The following ZDHHC13 variants were observed in gnomAD, a reference collection of about 807,000 sequenced individuals.
ZDHHC13 encodes the protein palmitoyltransferase ZDHHC13.
Under a neutral mutation model 86.0 loss-of-function variants are expected in ZDHHC13, and 85 were observed. That is an observed-to-expected ratio of 0.99 (90% CI 0.83 to 1.18). The LOEUF (loss-of-function observed/expected upper bound fraction) is 1.18. Among genes scored for constraint, ZDHHC13 ranks in the 50% most tolerant of loss-of-function variants. ZDHHC13 has a pLI of 0.00. For synonymous variants in ZDHHC13, 263 were observed against 246.4 expected, an observed-to-expected ratio of 1.07 and a Z score of -0.63; for missense variants, 711 against 730.2, an observed-to-expected ratio of 0.97 and a Z score of 0.30.
intron 14 of ZDHHC13, chr11:19,168,757 C>G: frequency 5.2e-6 from 5 of 968,356 alleles, no homozygotes; most frequent in South Asian, 4.8e-5. Context: ...CTGCTCTATA[C>G]TCTCCTTCTC....
At chr11:19,118,717 C>A (rs918596563) in intron 1 of ZDHHC13, 1 of 152,202 alleles carries the variant, frequency 6.6e-6, no homozygotes, top group Admixed American at 6.5e-5. Flanking sequence ...CTCTTGTTCA[C>A]TTTTTCAGTA....
intron 11 of ZDHHC13, 21 bp downstream of exon 11, chr11:19,163,448 A>C: frequency 1.3e-6 from 2 of 1,564,852 alleles, no homozygotes; most frequent in South Asian, 1.2e-5. Flanking sequence ...TTCGTTACTG[A>C]TATTTTTAAT....
chr11:19,170,375 C>CTTTTT lies in ZDHHC13; in HGVS notation c.1475-18_1475-14dup, dbSNP rs55637113. On this transcript the variant is annotated intron_variant, in intron 14 of 16. Coordinates refer to ENST00000446113, the MANE Select transcript of ZDHHC13 (RefSeq NM_019028.3). ...TGGAGACTGATAAGTAGTTTATTGC[C>CTTTTT]TTTTTTTTTTTTTTTTTTTTTTGGT... 5.4e-4 allele frequency: 664 copies of CTTTTT among 1,234,194 alleles called. 1 individual carries two copies. The highest frequency in any genetic ancestry group is 2.2e-3 in the South Asian group (138 of 63,860). 76.5% of individuals were successfully genotyped at this position (1,234,194 alleles called of 1,614,324 possible).
intron 1 of ZDHHC13, among the ~76,000 whole-genome samples, chr11:19,128,739 G>T (rs567915148): frequency 1.1e-4 from 17 of 152,232 alleles, no homozygotes; most frequent in African/African-American, 4.1e-4. Flanking sequence ...ATGGAAATAG[G>T]TTTGGTGATA....
At position 19,132,766 on chromosome 11, in the gene ZDHHC13, G is replaced by GT. The variant is rs199596024; in HGVS notation, c.28-10205dup. Among the ~76,000 whole-genome samples the GT allele has an allele frequency of 2.6e-3, 389 of 152,062 alleles. 2 individuals carry two copies. The highest frequency in any genetic ancestry group is 4.4e-3 in the Non-Finnish European group (296 of 67,986). ...TCACCTTGTGTATTTGTTTTGTTTT[G>GT]TTTTTTTCTCATATCTTGGCAATCA... is the stretch of plus-strand genomic sequence containing the variant. On this transcript the variant is annotated intron_variant, in intron 1 of 16. Coordinates refer to ENST00000446113, the MANE Select transcript of ZDHHC13 (RefSeq NM_019028.3).
intron 15 of ZDHHC13, 45 bp downstream of exon 15, chr11:19,170,613 A>C: frequency 1.6e-5 from 23 of 1,470,656 alleles, no homozygotes; most frequent in Non-Finnish European, 2.0e-5. Context: ...AAATTTCTAA[A>C]ACTTGTAGTG....
intron 12 of ZDHHC13, chr11:19,164,580 A>T (rs1850005462): frequency 1.8e-6 from 1 of 566,810 alleles, no homozygotes; most frequent in Non-Finnish European, 3.1e-6. Flanking sequence ...TCTCTCCGTG[A>T]ATTATCCATT....
At chr11:19,141,498 G>A (rs1162984125) in intron 1 of ZDHHC13, among the ~76,000 whole-genome samples, 5 of 151,952 alleles carry the variant, frequency 3.3e-5, no homozygotes, top group African/African-American at 1.2e-4. Flanking sequence ...CTGCCTGCTT[G>A]TCCACCAAAT....
intron 15 of ZDHHC13, among the ~76,000 whole-genome samples, chr11:19,171,235 C>T (rs1308889970): frequency 6.6e-6 from 1 of 152,176 alleles, no homozygotes; most frequent in African/African-American, 2.4e-5. Flanking sequence ...AAGCTTTAGT[C>T]CCTTCCCTGC....
At chr11:19,135,105 C>A (rs1254013678) in intron 1 of ZDHHC13, among the ~76,000 whole-genome samples, 1 of 152,216 alleles carries the variant, frequency 6.6e-6, no homozygotes, top group African/African-American at 2.4e-5. Context: ...TGGTCTACAG[C>A]TCCCAGCGCG....
chr11:19,149,096 A>C (rs78272605), intron 4 of ZDHHC13, 91 bp from the exon 5 acceptor site: 12,397 of 1,195,164 alleles, frequency 0.01, 89 homozygotes, highest in Middle Eastern at 0.014. Context: ...ATATGTAACC[A>C]AAATCCCTCA....
chr11:19,131,993 T>G (rs1849011752), intron 1 of ZDHHC13, among the ~76,000 whole-genome samples: 1 of 152,362 alleles, frequency 6.6e-6, no homozygotes, highest in African/African-American at 2.4e-5. Flanking sequence ...GTTAATGTTT[T>G]CCTTTAAATA....
intron 1 of ZDHHC13, among the ~76,000 whole-genome samples, chr11:19,129,321 CT>C (rs1848941068): frequency 6.6e-6 from 1 of 152,088 alleles, no homozygotes; most frequent in Non-Finnish European, 1.5e-5. Flanking sequence ...AGCATATTTG[CT>C]TTGTTTCCAG....
intron 1 of ZDHHC13, among the ~76,000 whole-genome samples, chr11:19,122,701 G>C (rs1848781956): frequency 6.6e-6 from 1 of 152,014 alleles, no homozygotes; most frequent in African/African-American, 2.4e-5. Flanking sequence ...CAGCAGAGGT[G>C]TGCTAAAAAG....
chr11:19,133,210 G>A (rs962368266), intron 1 of ZDHHC13, among the ~76,000 whole-genome samples: 4 of 152,116 alleles, frequency 2.6e-5, no homozygotes, highest in Non-Finnish European at 5.9e-5. Context: ...ATGATACCAA[G>A]TATTAGTAAG....
intron 5 of ZDHHC13, among the ~76,000 whole-genome samples, chr11:19,149,617 T>G (rs1361073522): frequency 6.6e-6 from 1 of 152,230 alleles, no homozygotes; most frequent in Admixed American, 6.5e-5. Context: ...CTCAAAAACA[T>G]GACTTCAAAG....
chr11:19,164,774 C>A, intron 12 of ZDHHC13: 1 of 438,374 alleles, frequency 2.3e-6, no homozygotes, highest in South Asian at 3.2e-5. Context: ...GTTTCCTTCC[C>A]TTGGTTGAGT....
In ZDHHC13 at chr11:19,163,360, A is replaced by G. The variant is rs1377579394; in HGVS notation, c.1166A>G (p.Tyr389Cys). ...ATTTTCAGCATAGTAGCCTTTCTAT[A>G]CTTTTTCTATAAGACTTGGGCAACT... ...SFIFSIVAFL[Y>C]FFYKTWATDP... Residue 389 changes from tyrosine to cysteine, a missense_variant, in exon 11 of 17, where the codon TAC becomes TGC. By Grantham distance (194) the Tyr-to-Cys change is radical. Transcript: ENST00000446113. 2 of 1,608,680 alleles carry G rather than the reference A, an allele frequency of 1.2e-6. No individual in the cohort carries two copies. The highest frequency in any genetic ancestry group is 2.2e-5 in the East Asian group (1 of 44,666).
At chr11:19,173,016 G>C (rs187677957) in intron 16 of ZDHHC13, among the ~76,000 whole-genome samples, 196 bp downstream of exon 16, 2 of 152,168 alleles carry the variant, frequency 1.3e-5, no homozygotes, top group Non-Finnish European at 2.9e-5. Context: ...GTAAGAATTC[G>C]AGAGTTAGTT....
Sources: gnomAD v4.1 joint callset for allele counts (sites outside exome capture counted in the v4.1 genomes callset) on GRCh38, gnomAD v4.1.1 for gene constraint, MANE v1.5 for transcripts, NCBI Gene and HGNC (gene_info 2026-07-23, HGNC 2026-07-21) for gene names.